IMMP2L: variants seen among roughly 807,000 people sequenced by gnomAD.
The protein encoded by IMMP2L is mitochondrial inner membrane protease subunit 2.
Under a neutral mutation model 19.3 loss-of-function variants are expected in IMMP2L, and 18 were observed. The ratio of observed to expected loss-of-function variants is 0.93; its 90% CI spans 0.64 to 1.38. The LOEUF (loss-of-function observed/expected upper bound fraction) is 1.38, where lower values mean the gene tolerates loss of function less well. Ranked by LOEUF, IMMP2L falls within the 40% of genes most tolerant of loss-of-function variation. The probability of loss-of-function intolerance (pLI) is 0.00; values close to 1 mark genes in which losing one functional copy is unlikely to be tolerated. For synonymous variants in IMMP2L, 76 were observed against 73.0 expected (o/e 1.04, Z -0.21); for missense variants, 233 against 218.2 (o/e 1.07, Z -0.43).
At chr7:110,825,581 T>G (rs926672881) in intron 5 of IMMP2L, among the ~76,000 whole-genome samples, 1 of 152,044 alleles carries the variant, frequency 6.6e-6, no homozygotes, top group Admixed American at 6.6e-5. Context: ...AAACAAGAAA[T>G]GGGGAAAGGA....
At chr7:110,769,241 A>C (rs1379671780) in intron 5 of IMMP2L, among the ~76,000 whole-genome samples, 2 of 152,126 alleles carry the variant, frequency 1.3e-5, no homozygotes, top group African/African-American at 4.8e-5. Flanking sequence ...GTCACTTCTT[A>C]TACTTTATGT....
At chr7:111,237,716 C>A (rs1196066912) in intron 3 of IMMP2L, among the ~76,000 whole-genome samples, 6 of 151,752 alleles carry the variant, frequency 4.0e-5, no homozygotes, top group Admixed American at 3.9e-4. Context: ...AGGACAATTT[C>A]TACCATCATT....
chr7:111,373,420 A>G (rs896459269), intron 3 of IMMP2L, among the ~76,000 whole-genome samples: 4 of 152,016 alleles, frequency 2.6e-5, no homozygotes, highest in Non-Finnish European at 5.9e-5. Context: ...GAGAAAAAAC[A>G]CTGAATAAAA....
intron 3 of IMMP2L, among the ~76,000 whole-genome samples, chr7:111,352,367 CTTTTT>C (rs748454509): frequency 1.5e-5 from 2 of 130,846 alleles, no homozygotes; most frequent in Admixed American, 7.7e-5. Context: ...GCACAACTAA[CTTTTT>C]TTTTTTTTTT....
Position 111,404,940 on chromosome 7 carries a change from TTG to T in IMMP2L, c.239+82296_239+82297del, listed in dbSNP as rs1320973882. On this transcript the variant is annotated intron_variant, in intron 3 of 5. Coordinates refer to ENST00000405709, the MANE Select transcript of IMMP2L (RefSeq NM_032549.4). Reference sequence around the variant, plus strand: ...GTAGTTCCTTAATTCCTACTTCACCTTGCATCTGTTACTTATAGCAACGTCAG... The same window carrying T: ...GTAGTTCCTTAATTCCTACTTCACCTCATCTGTTACTTATAGCAACGTCAG... Among the ~76,000 whole-genome samples the T allele has an allele frequency of 5.3e-5, 8 of 152,230 alleles. No homozygotes were observed. In the East Asian group the frequency reaches 1.5e-3, roughly 29 times the overall value.
intron 3 of IMMP2L, among the ~76,000 whole-genome samples, chr7:111,446,652 C>G (rs1271569430): frequency 6.6e-6 from 1 of 152,216 alleles, no homozygotes; most frequent in Non-Finnish European, 1.5e-5. Context: ...CAGAGCGCCT[C>G]TCCTCCTCCA....
At chr7:111,179,866 T>C (rs551811529) in intron 3 of IMMP2L, among the ~76,000 whole-genome samples, 7 of 152,206 alleles carry the variant, frequency 4.6e-5, no homozygotes, top group Admixed American at 2.0e-4. Context: ...CCTTACACTT[T>C]TATGTTACGA....
chr7:110,962,479 T>C (rs1016258888), intron 4 of IMMP2L: 6 of 152,328 alleles, frequency 3.9e-5, no homozygotes, highest in African/African-American at 1.4e-4. Context: ...TTTTAGTTTC[T>C]GGCTTAATAG....
chr7:111,391,786 A>C (rs1040568195), intron 3 of IMMP2L: 1 of 664,218 alleles, frequency 1.5e-6, no homozygotes, highest in Non-Finnish European at 2.7e-6. Context: ...TAAGAGTATG[A>C]GTTCAAGGAA....
At chr7:111,462,728 T>C (rs1335575062) in intron 3 of IMMP2L, among the ~76,000 whole-genome samples, 1 of 152,088 alleles carries the variant, frequency 6.6e-6, no homozygotes, top group African/African-American at 2.4e-5. Flanking sequence ...TGTCCACCTC[T>C]AAGAATTCTA....
chr7:111,168,535 A>G (rs1188609887), intron 3 of IMMP2L, among the ~76,000 whole-genome samples: 2 of 151,920 alleles, frequency 1.3e-5, no homozygotes, highest in East Asian at 1.9e-4. Flanking sequence ...GGGGGCAAAT[A>G]TACACATTTA....
chr7:111,513,849 G>T (rs1183834831), intron 2 of IMMP2L, among the ~76,000 whole-genome samples: 1 of 151,956 alleles, frequency 6.6e-6, no homozygotes, highest in African/African-American at 2.4e-5. Flanking sequence ...ATATTATTCA[G>T]CTTTTAAAAA....
chr7:110,880,175 A>C (rs1377793339), intron 5 of IMMP2L, among the ~76,000 whole-genome samples: 1 of 152,090 alleles, frequency 6.6e-6, no homozygotes. Context: ...AAAAACTCAC[A>C]TGAGTCTTAC....
chr7:111,118,085 T>C (rs941909624), intron 3 of IMMP2L, among the ~76,000 whole-genome samples: 26 of 152,124 alleles, frequency 1.7e-4, no homozygotes, highest in African/African-American at 6.0e-4. Context: ...GAATTAAGCA[T>C]TCTCTCCTTT....
At chr7:111,121,607 T>C (rs927641487) in intron 3 of IMMP2L, among the ~76,000 whole-genome samples, 7 of 152,064 alleles carry the variant, frequency 4.6e-5, no homozygotes, top group African/African-American at 1.2e-4. Flanking sequence ...TGTGGAGAAA[T>C]AGGAACACTT....
chr7:111,259,233 G>C (rs1329112991), intron 3 of IMMP2L, among the ~76,000 whole-genome samples: 1 of 152,148 alleles, frequency 6.6e-6, no homozygotes, highest in African/African-American at 2.4e-5. Context: ...GTCAATCAGT[G>C]AGTGAGTGGT....
At chr7:111,086,482 T>A (rs913633200) in intron 3 of IMMP2L, among the ~76,000 whole-genome samples, 2 of 151,920 alleles carry the variant, frequency 1.3e-5, no homozygotes, top group African/African-American at 4.8e-5. Context: ...ACAAAACCTA[T>A]AGGTAAATAA....
At chr7:111,332,151 T>A (rs1670111310) in intron 3 of IMMP2L, among the ~76,000 whole-genome samples, 1 of 151,750 alleles carries the variant, frequency 6.6e-6, no homozygotes. Flanking sequence ...AAGGTCATAA[T>A]GTTTAAATGG....
At chr7:111,087,059 T>C (rs1302706603) in intron 3 of IMMP2L, among the ~76,000 whole-genome samples, 3 of 152,122 alleles carry the variant, frequency 2.0e-5, no homozygotes, top group Non-Finnish European at 2.9e-5. Flanking sequence ...CAGAACTGAG[T>C]TCAAATTTTA....
Sources: gnomAD v4.1 joint callset for allele counts (sites outside exome capture counted in the v4.1 genomes callset) on GRCh38, gnomAD v4.1.1 for gene constraint, MANE v1.5 for transcripts, NCBI Gene and HGNC (gene_info 2026-07-23, HGNC 2026-07-21) for gene names.